Variants in ARRB1 observed in about 807,000 individuals in gnomAD.
ARRB1 encodes arrestin beta 1.
In ARRB1, 21 loss-of-function variants were observed where a neutral mutation model predicts 56.8. That is an observed-to-expected ratio of 0.37 (90% CI 0.26 to 0.53). The LOEUF (loss-of-function observed/expected upper bound fraction) is 0.53. ARRB1 is among the 20% of genes least tolerant of loss of function. ARRB1 has a pLI of 0.88. For synonymous variants in ARRB1, 210 were observed against 218.6 expected, an observed-to-expected ratio of 0.96 and a Z score of 0.35; for missense variants, 424 against 553.7, an observed-to-expected ratio of 0.77 and a Z score of 2.35.
intron 1 of ARRB1, among the ~76,000 whole-genome samples, chr11:75,332,659 G>A (rs1427764521): frequency 6.6e-6 from 1 of 152,198 alleles, no homozygotes; most frequent in Non-Finnish European, 1.5e-5. Flanking sequence ...CACTTTGGGA[G>A]GCCGAGGCAG....
chr11:75,313,699 A>C (rs1029975057), intron 1 of ARRB1, among the ~76,000 whole-genome samples: 1 of 152,060 alleles, frequency 6.6e-6, no homozygotes, highest in Non-Finnish European at 1.5e-5. Context: ...GAAATCCCCT[A>C]CTTAGCTCTT....
chr11:75,268,741 G>C, intron 14 of ARRB1, 148 bp downstream of exon 14: 2 of 775,638 alleles, frequency 2.6e-6, no homozygotes, highest in African/African-American at 1.8e-5. Flanking sequence ...GGGGTCAGAA[G>C]CAAATCGAGT....
intron 4 of ARRB1, among the ~76,000 whole-genome samples, 158 bp from the exon 5 acceptor site, chr11:75,283,641 A>G (rs1269614398): frequency 6.6e-6 from 1 of 152,186 alleles, no homozygotes; most frequent in Non-Finnish European, 1.5e-5. Context: ...GAGGGCTGGT[A>G]GTGAGTACCG....
intron 2 of ARRB1, among the ~76,000 whole-genome samples, chr11:75,287,912 G>A (rs192902725): frequency 1.3e-5 from 2 of 152,026 alleles, no homozygotes; most frequent in East Asian, 1.9e-4. Flanking sequence ...GCCCGGCCTG[G>A]AGTGCAATGG....
chr11:75,337,851 A>T (rs1947632039), intron 1 of ARRB1, among the ~76,000 whole-genome samples: 1 of 113,970 alleles, frequency 8.8e-6, no homozygotes, highest in Admixed American at 1.4e-4. Flanking sequence ...CCCAGGCTGG[A>T]GTGCAATGGT....
At chr11:75,283,233 G>C in intron 5 of ARRB1, 54 bp downstream of exon 5, 1 of 1,538,720 alleles carries the variant, frequency 6.5e-7, no homozygotes, top group South Asian at 1.2e-5. Flanking sequence ...ACCCCAGAGG[G>C]CTTCCTAGAG....
At chr11:75,269,729 A>G (rs1946031445) in intron 13 of ARRB1, among the ~76,000 whole-genome samples, 3 of 152,346 alleles carry the variant, frequency 2.0e-5, no homozygotes, top group South Asian at 4.1e-4. Context: ...ATTATCCCCA[A>G]TGTACAGACT....
Position 75,264,212 on chromosome 11 carries a change from C to T in ARRB1, c.*1951G>A, listed in dbSNP as rs1945860292. ...GAGACTCAGAAGTCGCGCTGCCAGG[C>T]TTGTGAAACAGGTGATTTCACCACA... On this transcript the variant is annotated 3_prime_UTR_variant, in exon 16 of 16. Transcript: ENST00000420843. 1 of 152,184 alleles carries T rather than the reference C, an allele frequency of 6.6e-6. No individual in the cohort carries two copies. The highest frequency in any genetic ancestry group is 6.5e-5 in the Admixed American group (1 of 15,276). 9.4% of individuals were successfully genotyped at this position (152,184 alleles called of 1,614,324 possible). A position where few individuals can be genotyped will look rare whatever the true frequency, so the allele number is the denominator to read the frequency against.
rs551098228 is a variant in ARRB1, at chr11:75,348,141, G to A, written c.20+3447C>T. Reference sequence around the variant, plus strand: ...TGACATTCCCAGACTGCTGGTGACCGGTCTGTGTTTACCTCTTAAGGCTCA... The same window carrying A: ...TGACATTCCCAGACTGCTGGTGACCAGTCTGTGTTTACCTCTTAAGGCTCA... On this transcript the variant is annotated intron_variant, in intron 1 of 15. Transcript: ENST00000420843. 1.2e-4 allele frequency among the ~76,000 whole-genome samples: 18 copies of A among 152,276 alleles called. No homozygotes were observed. The East Asian group carries it at 1.5e-3, about 13-fold the overall frequency.
intron 1 of ARRB1, among the ~76,000 whole-genome samples, chr11:75,301,155 A>AG (rs1946896266): frequency 6.6e-6 from 1 of 151,912 alleles, no homozygotes. Context: ...AAAAAAAAAA[A>AG]AAGCCTTCAA....
chr11:75,329,673 A>G (rs568518573), intron 1 of ARRB1, among the ~76,000 whole-genome samples: 23 of 152,234 alleles, frequency 1.5e-4, no homozygotes, highest in African/African-American at 5.5e-4. Flanking sequence ...GGTTTCTGAC[A>G]TTCCATGTGG....
chr11:75,279,459 G>A (rs201247521), intron 7 of ARRB1, among the ~76,000 whole-genome samples: 11 of 152,128 alleles, frequency 7.2e-5, no homozygotes, highest in African/African-American at 1.7e-4. Context: ...TGGTGAGGCC[G>A]TCTCTGTGGC....
intron 1 of ARRB1, among the ~76,000 whole-genome samples, chr11:75,347,627 G>A (rs1427683180): frequency 1.3e-5 from 2 of 152,170 alleles, no homozygotes; most frequent in African/African-American, 2.4e-5. Flanking sequence ...CAAAAGCGTC[G>A]AGTAGCAGAG....
rs1231829349 is a variant in ARRB1, at chr11:75,264,643, G to A, written c.*1520C>T. ...GAGGTCCAATAAATCCCCTCTGGAG[G>A]CAGAGAGACCAGTCAGCAGCTCTGG... On this transcript the variant is annotated 3_prime_UTR_variant, in exon 16 of 16. Coordinates refer to ENST00000420843, the MANE Select transcript of ARRB1 (RefSeq NM_004041.5). 6.6e-6 allele frequency: 1 copy of A among 152,148 alleles called. No individual in the cohort carries two copies. Among genetic ancestry groups the A allele is most frequent in the East Asian group, 1.9e-4 (1 of 5,186 alleles). The allele number at this position is 152,148 out of a possible 1,614,324, so 9.4% of individuals were successfully genotyped here. A position where few individuals can be genotyped will look rare whatever the true frequency, so the allele number is the denominator to read the frequency against.
intron 6 of ARRB1, among the ~76,000 whole-genome samples, chr11:75,281,430 G>A (rs893830250): frequency 3.9e-5 from 6 of 152,194 alleles, no homozygotes; most frequent in African/African-American, 1.4e-4. Flanking sequence ...CAGCTGCCCA[G>A]AAATAGCAAC....
chr11:75,323,880 G>A (rs1172458514), intron 1 of ARRB1, among the ~76,000 whole-genome samples: 3 of 152,108 alleles, frequency 2.0e-5, no homozygotes, highest in Non-Finnish European at 4.4e-5. Flanking sequence ...TACCAAAGAA[G>A]GGGCTGGTTA....
intron 1 of ARRB1, among the ~76,000 whole-genome samples, chr11:75,322,665 G>A (rs532026798): frequency 8.7e-4 from 132 of 152,300 alleles, no homozygotes; most frequent in Non-Finnish European, 1.2e-3. Flanking sequence ...CTCTGTCACC[G>A]TGATAAGATG....
intron 1 of ARRB1, among the ~76,000 whole-genome samples, chr11:75,340,053 A>ACCACTGGGACAGGC (rs1420300032): frequency 6.6e-6 from 1 of 152,128 alleles, no homozygotes; most frequent in African/African-American, 2.4e-5. Flanking sequence ...AGAGAGACAC[A>ACCACTGGGACAGGC]CCACTGGGAC....
intron 1 of ARRB1, among the ~76,000 whole-genome samples, chr11:75,296,199 A>AG (rs1241346062): frequency 5.9e-5 from 9 of 151,890 alleles, no homozygotes; most frequent in African/African-American, 2.2e-4. Context: ...AAAAAAAAAA[A>AG]AAAAAAAAGA....
Sources: gnomAD v4.1 joint callset for allele counts (sites outside exome capture counted in the v4.1 genomes callset) on GRCh38, gnomAD v4.1.1 for gene constraint, MANE v1.5 for transcripts, NCBI Gene and HGNC (gene_info 2026-07-23, HGNC 2026-07-21) for gene names.